The following GAS7 variants were observed in gnomAD, a reference collection of about 807,000 sequenced individuals.
The protein encoded by GAS7 is growth arrest specific 7, also known as growth arrest-specific protein 7.
GAS7 carries 28 observed loss-of-function variants against 71.1 expected under a neutral mutation model. That is an observed-to-expected ratio of 0.39 (90% confidence interval 0.29 to 0.54). The LOEUF (loss-of-function observed/expected upper bound fraction) is 0.54, where lower values mean the gene tolerates loss of function less well. GAS7 is among the 20% of genes least tolerant of loss of function. GAS7 has a pLI of 0.62. For synonymous variants in GAS7, 258 were observed against 245.8 expected (o/e 1.05, Z -0.46); for missense variants, 436 against 627.8 (o/e 0.69, Z 3.27).
chr17:9,916,247 T>G lies in GAS7; in HGVS notation c.*981A>C, dbSNP rs2152062821. ...CACATGTAGGACTGACCCGGCCCCA[T>G]TAAGAGCCTGTGGTGGGCGGCCCGG... On this transcript the variant is annotated 3_prime_UTR_variant, in exon 14 of 14. Coordinates refer to ENST00000432992, the MANE Select transcript of GAS7 (RefSeq NM_201433.2). 4.3e-6 allele frequency: 1 copy of G among 232,938 alleles called. No homozygotes were observed. The highest frequency in any genetic ancestry group is 6.0e-5 in the East Asian group (1 of 16,536). The allele number at this position is 232,938 out of a possible 1,614,324, so 14.4% of individuals were successfully genotyped here. A position where few individuals can be genotyped will look rare whatever the true frequency, so the allele number is the denominator to read the frequency against.
At position 10,103,654 on chromosome 17, in the gene GAS7, C is replaced by T. The variant is rs900993224; in HGVS notation, c.184-83757G>A. 1.2e-4 allele frequency among the ~76,000 whole-genome samples: 18 copies of T among 152,060 alleles called. No homozygotes were observed. The South Asian group carries it at 1.2e-3, about 11-fold the overall frequency. ...CAGCCTGGCCAACATGGAGAAACCC[C>T]GTCTCTACCAAAAATACAAAAATTA... On this transcript the variant is annotated intron_variant, in intron 1 of 13. Transcript: ENST00000432992. The surrounding 1 kb of genome is among the most constrained non-coding windows in gnomAD (Gnocchi z 5.5).
At chr17:10,126,440 A>G (rs932136208) in intron 1 of GAS7, among the ~76,000 whole-genome samples, 1 of 151,456 alleles carries the variant, frequency 6.6e-6, no homozygotes, top group African/African-American at 2.4e-5. Context: ...GCAGATGCAC[A>G]CACGCGCGCG....
At position 9,969,118 on chromosome 17, in the gene GAS7, C is replaced by T. The variant is rs1221155564; in HGVS notation, c.471+559G>A. On this transcript the variant is annotated intron_variant, in intron 4 of 13. Coordinates refer to ENST00000432992, the MANE Select transcript of GAS7 (RefSeq NM_201433.2). The surrounding 1 kb of genome is among the most constrained non-coding windows in gnomAD (Gnocchi z 5.5). The stretch of plus-strand genomic sequence containing the variant: ...CAGTTGGAGCCTCGGTGACCTCATG[C>T]ATACCTTGAGTTGTTACTGACGCCT... Among the ~76,000 whole-genome samples, 2 of 152,164 alleles carry T rather than the reference C, an allele frequency of 1.3e-5. No homozygotes were observed. The highest frequency in any genetic ancestry group is 4.8e-5 in the African/African-American group (2 of 41,438).
At chr17:10,094,908 C>A (rs565601920) in intron 1 of GAS7, among the ~76,000 whole-genome samples, 2 of 152,328 alleles carry the variant, frequency 1.3e-5, no homozygotes, top group Admixed American at 6.5e-5. Flanking sequence ...TTTTAACAAC[C>A]TTCTCACTGC....
At chr17:10,058,109 G>A (rs539056583) in intron 1 of GAS7, among the ~76,000 whole-genome samples, 18 of 152,186 alleles carry the variant, frequency 1.2e-4, no homozygotes, top group Non-Finnish European at 2.4e-4. Context: ...CACAAACACT[G>A]CGGAAGGCCG....
intron 5 of GAS7, among the ~76,000 whole-genome samples, chr17:9,949,432 C>T (rs1013004865): frequency 2.0e-5 from 3 of 152,212 alleles, no homozygotes; most frequent in Non-Finnish European, 4.4e-5. Context: ...ACAAACTCTT[C>T]TGTCAGCAAA....
At chr17:9,927,314 C>CACACACAT (rs1361187350) in intron 9 of GAS7, among the ~76,000 whole-genome samples, 5 of 149,916 alleles carry the variant, frequency 3.3e-5, no homozygotes, top group African/African-American at 1.0e-4. Context: ...CACACACACA[C>CACACACAT]ACACACACAC....
intron 1 of GAS7, among the ~76,000 whole-genome samples, chr17:10,043,198 T>C (rs1438939456): frequency 6.6e-6 from 1 of 152,118 alleles, no homozygotes; most frequent in African/African-American, 2.4e-5. Flanking sequence ...CTCCTGTGCC[T>C]TTCATTAGTG....
chr17:10,115,395 G>C (rs188928050), intron 1 of GAS7, among the ~76,000 whole-genome samples: 1 of 152,318 alleles, frequency 6.6e-6, no homozygotes, highest in Non-Finnish European at 1.5e-5. Context: ...GTCTGAAGGA[G>C]GGTGGGGGGC....
rs1185165732 is a variant in GAS7 at position 10,026,131 on chromosome 17, G to A, written c.184-6234C>T. The A allele has an allele frequency of 3.0e-6, 3 of 983,636 alleles. No homozygotes were observed. The highest frequency in any genetic ancestry group is 3.6e-6 in the Non-Finnish European group (3 of 828,664). The allele number at this position is 983,636 out of a possible 1,614,324, so 60.9% of individuals were successfully genotyped here. A position where few individuals can be genotyped will look rare whatever the true frequency, so the allele number is the denominator to read the frequency against. Reference sequence around the variant, plus strand: ...ACTCTCTCCCCCTCCGGAGGTTTCTGAGAACACCTGACTCTTACCTTATCC... The same window carrying A: ...ACTCTCTCCCCCTCCGGAGGTTTCTAAGAACACCTGACTCTTACCTTATCC... On this transcript the variant is annotated intron_variant, in intron 1 of 13. Transcript: ENST00000432992. This position sits in a 1 kb window ranked among gnomAD's most constrained non-coding sequence, Gnocchi z 4.5.
At chr17:10,009,405 C>T (rs1459445502) in intron 2 of GAS7, among the ~76,000 whole-genome samples, 1 of 150,696 alleles carries the variant, frequency 6.6e-6, no homozygotes, top group Non-Finnish European at 1.5e-5. Flanking sequence ...AATGGGAATC[C>T]ACTCATTTAA....
At chr17:9,946,825 C>T (rs2068804713) in intron 6 of GAS7, 69 bp downstream of exon 6, 2 of 943,960 alleles carry the variant, frequency 2.1e-6, no homozygotes, top group East Asian at 2.5e-5. Context: ...CAGGTCCCTC[C>T]TACCCATCCT....
chr17:10,073,761 C>T (rs773744846), intron 1 of GAS7, among the ~76,000 whole-genome samples: 1 of 152,168 alleles, frequency 6.6e-6, no homozygotes, highest in Admixed American at 6.5e-5. Context: ...TGAGGAATTT[C>T]GAGACAGTTT....
Position 10,146,501 on chromosome 17 carries a change from G to C in GAS7, c.183+51707C>G, listed in dbSNP as rs531385637. ...AGACCAGCAGCACCAGAATCACCTG[G>C]GAACTTGCCAGAAGTACAGTTGTTC... On this transcript the variant is annotated intron_variant, in intron 1 of 13. Transcript: ENST00000432992. 2.0e-5 allele frequency among the ~76,000 whole-genome samples: 3 copies of C among 152,220 alleles called. 1 individual carries two copies. The highest frequency in any genetic ancestry group is 7.2e-5 in the African/African-American group (3 of 41,534).
chr17:10,174,954 T>A (rs1267135167), intron 1 of GAS7, among the ~76,000 whole-genome samples: 1 of 151,982 alleles, frequency 6.6e-6, no homozygotes. Context: ...CAAGCGATAC[T>A]CCCACATTAG....
intron 1 of GAS7, among the ~76,000 whole-genome samples, chr17:10,133,123 T>TATATATATA (rs770717224): frequency 0.054 from 7,013 of 128,896 alleles, 229 homozygotes; most frequent in African/African-American, 0.11. Context: ...TATTTTTATA[T>TATATATATA]TTTTTTTTTT....
intron 1 of GAS7, among the ~76,000 whole-genome samples, chr17:10,060,677 G>A (rs1403425876): frequency 6.6e-6 from 1 of 152,196 alleles, no homozygotes; most frequent in African/African-American, 2.4e-5. Context: ...AAATTAAAAA[G>A]AATGACAATA....
chr17:9,986,475 C>T (rs2070653321), intron 2 of GAS7, among the ~76,000 whole-genome samples: 1 of 152,192 alleles, frequency 6.6e-6, no homozygotes, highest in Non-Finnish European at 1.5e-5. Flanking sequence ...GACTATTGAA[C>T]AGAGAAGCTG....
At chr17:9,985,837 C>G (rs148522341) in intron 2 of GAS7, among the ~76,000 whole-genome samples, 1 of 152,210 alleles carries the variant, frequency 6.6e-6, no homozygotes, top group African/African-American at 2.4e-5. Context: ...ACGGCGCTGC[C>G]GAGGCCTCCT....
Sources: allele counts gnomAD v4.1 joint callset (sites outside exome capture counted in the v4.1 genomes callset), GRCh38; gene constraint gnomAD v4.1.1; non-coding constraint Gnocchi (gnomAD v3.1); transcripts MANE v1.5; gene names NCBI Gene and HGNC (gene_info 2026-07-23, HGNC 2026-07-21).